KHDRBS2: variants seen among roughly 807,000 people sequenced by gnomAD.
KHDRBS2 encodes the protein KH domain-containing, RNA-binding, signal transduction-associated protein 2.
A neutral mutation model predicts 44.3 loss-of-function variants in KHDRBS2; 26 were observed. That is an observed-to-expected ratio of 0.59 (90% CI 0.43 to 0.81). KHDRBS2 has a LOEUF of 0.81. KHDRBS2 is among the 40% of genes least tolerant of loss of function. KHDRBS2 has a pLI of 0.00. For missense variants in KHDRBS2, 476 were observed against 433.1 expected (o/e 1.10, Z -0.88); for synonymous variants, 194 against 151.1 (o/e 1.28, Z -2.08).
intron 4 of KHDRBS2, among the ~76,000 whole-genome samples, chr6:61,927,399 A>T (rs1464470388): frequency 6.6e-6 from 1 of 152,156 alleles, no homozygotes; most frequent in African/African-American, 2.4e-5. Flanking sequence ...ACATATAGTC[A>T]TGTCAATGTT....
chr6:62,244,579 G>A (rs1406616638), intron 1 of KHDRBS2, among the ~76,000 whole-genome samples: 1 of 152,114 alleles, frequency 6.6e-6, no homozygotes, highest in African/African-American at 2.4e-5. Flanking sequence ...GAGAAGCATA[G>A]CTCAGATATT....
At chr6:61,939,304 G>C (rs1583614440) in intron 4 of KHDRBS2, among the ~76,000 whole-genome samples, 2 of 152,296 alleles carry the variant, frequency 1.3e-5, no homozygotes, top group African/African-American at 2.4e-5. Flanking sequence ...ACAATCCACT[G>C]TAACCTGCTC....
At chr6:61,660,964 T>G in the KHDRBS2 span, among the ~76,000 whole-genome samples, 24 of 151,974 alleles carry the variant, frequency 1.6e-4, no homozygotes, top group South Asian at 3.1e-3. Flanking sequence ...AATATATTTT[T>G]TTATTAGTTG....
chr6:62,213,171 G>C (rs1423297428), intron 1 of KHDRBS2, among the ~76,000 whole-genome samples: 1 of 152,082 alleles, frequency 6.6e-6, no homozygotes, highest in African/African-American at 2.4e-5. Context: ...TATAATGCTG[G>C]GGCATTGATA....
chr6:62,153,695 G>A (rs139441936), intron 2 of KHDRBS2, among the ~76,000 whole-genome samples: 1 of 152,072 alleles, frequency 6.6e-6, no homozygotes, highest in East Asian at 1.9e-4. Context: ...TGCTCAGGGT[G>A]GTAGGGACCT....
intron 6 of KHDRBS2, among the ~76,000 whole-genome samples, chr6:61,874,246 T>C (rs1441754118): frequency 6.6e-6 from 1 of 152,174 alleles, no homozygotes; most frequent in Non-Finnish European, 1.5e-5. Context: ...ATAGTATATG[T>C]CTTCACCAAA....
At chr6:62,183,902 T>C (rs1490604857) in intron 1 of KHDRBS2, among the ~76,000 whole-genome samples, 2 of 151,708 alleles carry the variant, frequency 1.3e-5, no homozygotes, top group African/African-American at 4.8e-5. Flanking sequence ...TTACAAATGA[T>C]ACTTAACTAC....
intron 4 of KHDRBS2, among the ~76,000 whole-genome samples, chr6:61,906,588 C>T (rs910753843): frequency 1.2e-4 from 18 of 152,188 alleles, no homozygotes; most frequent in Non-Finnish European, 2.2e-4. Context: ...CATCATTCTA[C>T]TCTATCTCCA....
intron 2 of KHDRBS2, among the ~76,000 whole-genome samples, chr6:62,091,865 T>A (rs1799555061): frequency 1.3e-5 from 2 of 152,146 alleles, no homozygotes; most frequent in African/African-American, 4.8e-5. Context: ...ATGTAAAGCA[T>A]TCAGAACAGT....
intron 2 of KHDRBS2, among the ~76,000 whole-genome samples, chr6:62,058,549 G>T (rs1790847806): frequency 6.6e-6 from 1 of 151,806 alleles, no homozygotes; most frequent in African/African-American, 2.4e-5. Context: ...AGGGCAGATT[G>T]CACTAAGTGG....
At chr6:61,719,701 T>A (rs1426950163) in intron 7 of KHDRBS2, among the ~76,000 whole-genome samples, 3 of 152,110 alleles carry the variant, frequency 2.0e-5, no homozygotes, top group Non-Finnish European at 4.4e-5. Flanking sequence ...AGAGACACCT[T>A]ATATCATTGT....
intron 6 of KHDRBS2, among the ~76,000 whole-genome samples, chr6:61,784,410 T>G (rs1305219290): frequency 7.1e-6 from 1 of 141,004 alleles, no homozygotes; most frequent in Non-Finnish European, 1.6e-5. Flanking sequence ...AATGGTAAAC[T>G]AAAAAATTCT....
At chr6:61,584,625 A>T in the KHDRBS2 span, among the ~76,000 whole-genome samples, 1 of 151,828 alleles carries the variant, frequency 6.6e-6, no homozygotes, top group Non-Finnish European at 1.5e-5. Context: ...AATTTTAGGG[A>T]TATTAAAAGG....
chr6:61,751,251 T>C (rs976675576), intron 6 of KHDRBS2, among the ~76,000 whole-genome samples: 2 of 152,178 alleles, frequency 1.3e-5, no homozygotes, highest in African/African-American at 4.8e-5. Context: ...GTTTTCTAAC[T>C]GCTGCAATTA....
At chr6:61,788,996 G>A (rs76996712) in intron 6 of KHDRBS2, among the ~76,000 whole-genome samples, 418 of 151,360 alleles carry the variant, frequency 2.8e-3, no homozygotes, top group East Asian at 0.016. Context: ...TTTAATCATC[G>A]CTTTATCACT....
At chr6:62,220,323 G>C (rs1471315524) in intron 1 of KHDRBS2, among the ~76,000 whole-genome samples, 1 of 151,842 alleles carries the variant, frequency 6.6e-6, no homozygotes, top group Non-Finnish European at 1.5e-5. Context: ...GTGCATAGAT[G>C]AAAGGACAAA....
At chr6:62,136,451 C>T (rs943968533) in intron 2 of KHDRBS2, among the ~76,000 whole-genome samples, 67 of 152,150 alleles carry the variant, frequency 4.4e-4, no homozygotes, top group African/African-American at 1.3e-3. Flanking sequence ...TGCGTTATAG[C>T]TAAAGTTTCA....
At chr6:61,644,962 TGGG>T in the KHDRBS2 span, among the ~76,000 whole-genome samples, 2 of 152,280 alleles carry the variant, frequency 1.3e-5, no homozygotes, top group Admixed American at 1.3e-4. Flanking sequence ...ATCTCATTAC[TGGG>T]TATATACTCA....
the KHDRBS2 span, among the ~76,000 whole-genome samples, chr6:61,585,162 T>A: frequency 6.6e-6 from 1 of 151,980 alleles, no homozygotes; most frequent in Non-Finnish European, 1.5e-5. Flanking sequence ...AAACCCATTG[T>A]GGATTTGTGC....
Sources: allele counts gnomAD v4.1 joint callset (sites outside exome capture counted in the v4.1 genomes callset), GRCh38; gene constraint gnomAD v4.1.1; transcripts MANE v1.5; gene names NCBI Gene and HGNC (gene_info 2026-07-23, HGNC 2026-07-21).